The following PCDHGA5 variants were observed in gnomAD, a reference collection of about 807,000 sequenced individuals.
PCDHGA5 encodes the protein protocadherin gamma-A5.
In PCDHGA5, 36 loss-of-function variants were observed where a neutral mutation model predicts 56.7. That is an observed-to-expected ratio of 0.64 (90% CI 0.49 to 0.84). The LOEUF (loss-of-function observed/expected upper bound fraction) is 0.84. PCDHGA5 is among the 40% of genes least tolerant of loss of function. The pLI is 0.00. For synonymous variants in PCDHGA5, 563 were observed against 520.2 expected (o/e 1.08, Z -1.12); for missense variants, 1,305 against 1,201.5 (o/e 1.09, Z -1.27).
In PCDHGA5 at chr5:141,476,574, G is replaced by C. The variant is rs746783993; in HGVS notation, c.2422-18233G>C. The C allele has an allele frequency of 1.1e-5, 18 of 1,614,084 alleles. No homozygotes were observed. The Admixed American group carries it at 1.8e-4, about 16-fold the overall frequency. On this transcript the variant is annotated intron_variant, in intron 1 of 3. Coordinates refer to ENST00000518069, the MANE Select transcript of PCDHGA5 (RefSeq NM_018918.3). The surrounding 1 kb of genome is among the most constrained non-coding windows in gnomAD (Gnocchi z 7.6). ...AGCGAGGCCGTGGCTCCGGGGACGC[G>C]CTTTCCGCTCGAGAGCGCGCACGAT...
chr5:141,490,948 G>T lies in PCDHGA5; in HGVS notation c.2422-3859G>T. 1 of 1,613,756 alleles carries T rather than the reference G, an allele frequency of 6.2e-7. No homozygotes were observed. The highest frequency in any genetic ancestry group is 8.5e-7 in the Non-Finnish European group (1 of 1,179,810). On this transcript the variant is annotated intron_variant, in intron 1 of 3. Coordinates refer to ENST00000518069, the MANE Select transcript of PCDHGA5 (RefSeq NM_018918.3). The surrounding 1 kb of genome is among the most constrained non-coding windows in gnomAD (Gnocchi z 5.4). The stretch of plus-strand genomic sequence containing the variant: ...CCCAGCTGTGCTGCACCCACGGCCA[G>T]ACTGGGAACACTCAGCCCCCCAGCG...
intron 1 of PCDHGA5, chr5:141,388,545 C>T (rs1293366202): frequency 6.2e-7 from 1 of 1,613,680 alleles, no homozygotes; most frequent in Non-Finnish European, 8.5e-7. Flanking sequence ...TGGAGCTCCA[C>T]CCCTAAGCAG....
chr5:141,394,805 G>A, intron 1 of PCDHGA5: 1 of 1,613,860 alleles, frequency 6.2e-7, no homozygotes, highest in Non-Finnish European at 8.5e-7. Context: ...CCGTAGCCGT[G>A]GCTGACAGCA....
rs1375469711 is a variant in PCDHGA5, at chr5:141,512,102, C to A, written c.*929C>A. On this transcript the variant is annotated 3_prime_UTR_variant, in exon 4 of 4. Coordinates refer to ENST00000518069, the MANE Select transcript of PCDHGA5 (RefSeq NM_018918.3). ...GCCATAAACCAATAACTAGGCTGGA[C>A]CCTTCCCACTACATAATAGGGCTCA... The A allele has an allele frequency of 6.5e-6, 1 of 152,688 alleles. No individual in the cohort carries two copies. Among genetic ancestry groups the A allele is most frequent in the Non-Finnish European group, 1.5e-5 (1 of 68,070 alleles). The allele number at this position is 152,688 out of a possible 1,614,324, so 9.5% of individuals were successfully genotyped here. A position where few individuals can be genotyped will look rare whatever the true frequency, so the allele number is the denominator to read the frequency against.
Position 141,431,010 on chromosome 5 carries a change from T to G in PCDHGA5, c.2422-63797T>G. 2 of 1,613,972 alleles carry G rather than the reference T, an allele frequency of 1.2e-6. No individual in the cohort carries two copies. The highest frequency in any genetic ancestry group is 1.7e-6 in the Non-Finnish European group (2 of 1,179,964). The stretch of plus-strand genomic sequence containing the variant: ...GCCCTGAATCCGCGCAGCGGCAGCT[T>G]GGTCACGGCGGGCAGGATAGACCGG... On this transcript the variant is annotated intron_variant, in intron 1 of 3. Transcript: ENST00000518069. The surrounding 1 kb of genome is among the most constrained non-coding windows in gnomAD (Gnocchi z 4.8).
intron 1 of PCDHGA5, chr5:141,392,740 G>A: frequency 1.4e-6 from 2 of 1,435,578 alleles, no homozygotes. Context: ...CATCTCCATA[G>A]CTGCGGCAAG....
chr5:141,421,541 T>A (rs1235004908), intron 1 of PCDHGA5: 9 of 1,613,912 alleles, frequency 5.6e-6, no homozygotes, highest in African/African-American at 1.3e-5. Flanking sequence ...TCCTGTTTTT[T>A]AAATATGGAA....
intron 1 of PCDHGA5, chr5:141,418,133 C>T (rs758498780): frequency 2.5e-6 from 4 of 1,613,924 alleles, no homozygotes; most frequent in Non-Finnish European, 3.4e-6. Flanking sequence ...CCGAATAGAC[C>T]GTGAGCAAAT....
chr5:141,485,362 G>T lies in PCDHGA5; in HGVS notation c.2422-9445G>T. 6.2e-7 allele frequency: 1 copy of T among 1,614,144 alleles called. No individual in the cohort carries two copies. ...ATACGGACAGTCTGTCAGCTCGCAG[G>T]CTGCAGGTCGCTGGAGAGGTGAACC... is the stretch of plus-strand genomic sequence containing the variant. On this transcript the variant is annotated intron_variant, in intron 1 of 3. Coordinates refer to ENST00000518069, the MANE Select transcript of PCDHGA5 (RefSeq NM_018918.3). The surrounding 1 kb of genome is among the most constrained non-coding windows in gnomAD (Gnocchi z 5.7).
chr5:141,453,560 G>A (rs1230229107), intron 1 of PCDHGA5, among the ~76,000 whole-genome samples: 3 of 151,968 alleles, frequency 2.0e-5, no homozygotes, highest in Admixed American at 6.6e-5. Flanking sequence ...GTAGATAATC[G>A]ATTTCATTAG....
At chr5:141,462,540 T>G (rs2099042148) in intron 1 of PCDHGA5, among the ~76,000 whole-genome samples, 2 of 152,204 alleles carry the variant, frequency 1.3e-5, no homozygotes, top group Non-Finnish European at 2.9e-5. Flanking sequence ...TCAGTGATCT[T>G]TTCTTCTTCA....
intron 1 of PCDHGA5, chr5:141,376,173 T>C (rs531193543): frequency 1.3e-5 from 21 of 1,614,092 alleles, no homozygotes; most frequent in East Asian, 2.2e-5. Flanking sequence ...GTGGTGGCGG[T>C]GGCCGCGGTC....
chr5:141,426,794 G>C (rs1319220934), intron 1 of PCDHGA5: 1 of 456,708 alleles, frequency 2.2e-6, no homozygotes, highest in East Asian at 6.9e-5. Flanking sequence ...AGAGTTACCA[G>C]CTCAGTTCTA....
chr5:141,365,179 TGAA>T lies in PCDHGA5; in HGVS notation c.856_858del (p.Glu286del), dbSNP rs1323798128. On this transcript the variant is annotated inframe_deletion, in exon 1 of 4. Coordinates refer to ENST00000518069, the MANE Select transcript of PCDHGA5 (RefSeq NM_018918.3). The stretch of plus-strand genomic sequence containing the variant: ...GGAAATTGACCTACTCTTTTCGCAA[TGAA>T]GAAGAAAAAATTTCGGAGACTTTCC... 22 of 1,613,762 alleles carry T rather than the reference TGAA, an allele frequency of 1.4e-5. No individual in the cohort carries two copies. The highest frequency in any genetic ancestry group is 1.9e-5 in the Non-Finnish European group (22 of 1,179,896).
At chr5:141,482,345 T>G (rs192115752) in intron 1 of PCDHGA5, among the ~76,000 whole-genome samples, 8 of 152,122 alleles carry the variant, frequency 5.3e-5, no homozygotes, top group Admixed American at 5.2e-4. Context: ...CTTTGCAAAC[T>G]TGTTGTGAGA....
chr5:141,394,257 C>A (rs1256817731), intron 1 of PCDHGA5: 1 of 1,613,828 alleles, frequency 6.2e-7, no homozygotes, highest in Non-Finnish European at 8.5e-7. Flanking sequence ...CCCCGACAGC[C>A]AGGAGAATGC....
In PCDHGA5 at chr5:141,489,261, A is replaced by C; in HGVS notation, c.2422-5546A>C. 6.4e-7 allele frequency: 1 copy of C among 1,551,956 alleles called. No individual in the cohort carries two copies. Among genetic ancestry groups the C allele is most frequent in the East Asian group, 2.2e-5 (1 of 44,450 alleles). Reference sequence around the variant, plus strand: ...GGGTCATGGGGCCCAAGACACTCCCACAGCTCGCTGGGAAATGGCAAGTGC... The same window carrying C: ...GGGTCATGGGGCCCAAGACACTCCCCCAGCTCGCTGGGAAATGGCAAGTGC... On this transcript the variant is annotated intron_variant, in intron 1 of 3. Coordinates refer to ENST00000518069, the MANE Select transcript of PCDHGA5 (RefSeq NM_018918.3). The surrounding 1 kb of genome is among the most constrained non-coding windows in gnomAD (Gnocchi z 4.5).
Position 141,374,832 on chromosome 5 carries a change from G to A in PCDHGA5, c.2421+8081G>A, listed in dbSNP as rs776699327. On this transcript the variant is annotated intron_variant, in intron 1 of 3. Transcript: ENST00000518069. ...TTTACTCAGCCTGTCTACCGTGTAA[G>A]TGTTCCTGAAAACCTGCCAGTAGGC... 3.1e-6 allele frequency: 5 copies of A among 1,613,908 alleles called. 1 individual carries two copies. The South Asian group carries it at 5.5e-5, about 18-fold the overall frequency.
chr5:141,426,646 T>C (rs764903298), intron 1 of PCDHGA5: 1 of 416,448 alleles, frequency 2.4e-6, no homozygotes, highest in South Asian at 1.7e-5. Flanking sequence ...ATAAATGTGA[T>C]GATAGAAGAT....
Sources: allele counts gnomAD v4.1 joint callset (sites outside exome capture counted in the v4.1 genomes callset), GRCh38; gene constraint gnomAD v4.1.1; non-coding constraint Gnocchi (gnomAD v3.1); transcripts MANE v1.5; gene names NCBI Gene and HGNC (gene_info 2026-07-23, HGNC 2026-07-21).